Variants in KCNMA1 observed in about 807,000 individuals in gnomAD.
The protein encoded by KCNMA1 is potassium calcium-activated channel subfamily M alpha 1.
KCNMA1 carries 29 observed loss-of-function variants against 140.0 expected under a neutral mutation model. The observed-to-expected ratio is 0.21, with a 90% CI of 0.15 to 0.28. The LOEUF (loss-of-function observed/expected upper bound fraction) is 0.28. Among genes scored for constraint, KCNMA1 ranks in the 10% least tolerant of loss-of-function variants. The pLI is 1.00. For synonymous variants in KCNMA1, 612 were observed against 611.9 expected, an observed-to-expected ratio of 1.00 and a Z score of 0.00; for missense variants, 880 against 1,602.2, an observed-to-expected ratio of 0.55 and a Z score of 7.70.
At chr10:77,045,963 A>G (rs1387283308) in intron 14 of KCNMA1, among the ~76,000 whole-genome samples, 1 of 152,214 alleles carries the variant, frequency 6.6e-6, no homozygotes, top group African/African-American at 2.4e-5. Flanking sequence ...AAATTCTTTT[A>G]ATCCAAATAT....
chr10:77,377,759 G>A (rs1321556849), intron 2 of KCNMA1, among the ~76,000 whole-genome samples: 1 of 152,154 alleles, frequency 6.6e-6, no homozygotes, highest in African/African-American at 2.4e-5. Context: ...AGAGGCTATG[G>A]AGGCAGACCA....
rs552366350 is a variant in KCNMA1, at chr10:77,516,237, G to T, written c.379-112214C>A. ...CAGCCACCCTCCTCCCATCCTTCCT[G>T]GGTCTTGGCCACACTTGCTCTTCCT... On this transcript the variant is annotated intron_variant, in intron 1 of 27. Transcript: ENST00000286628. Among the ~76,000 whole-genome samples, 4 of 148,856 alleles carry T rather than the reference G, an allele frequency of 2.7e-5. No homozygotes were observed. The East Asian group carries it at 7.9e-4, about 30-fold the overall frequency.
chr10:77,465,076 A>G (rs2154526117), intron 1 of KCNMA1, among the ~76,000 whole-genome samples: 1 of 152,198 alleles, frequency 6.6e-6, no homozygotes, highest in South Asian at 2.1e-4. Context: ...ACACACACAC[A>G]CTCGGTAACT....
intron 19 of KCNMA1, among the ~76,000 whole-genome samples, chr10:76,992,385 A>G (rs1425318559): frequency 1.3e-5 from 2 of 152,342 alleles, no homozygotes; most frequent in South Asian, 4.1e-4. Flanking sequence ...TGAGATTTCA[A>G]ATGCAAGGGT....
intron 1 of KCNMA1, among the ~76,000 whole-genome samples, chr10:77,519,591 C>T (rs2052065982): frequency 6.6e-6 from 1 of 152,150 alleles, no homozygotes; most frequent in African/African-American, 2.4e-5. Context: ...AATATCACGG[C>T]CAAGGTCACT....
Position 77,199,739 on chromosome 10 carries a change from G to A in KCNMA1, c.603-14823C>T, listed in dbSNP as rs1008859594. 2.6e-5 allele frequency among the ~76,000 whole-genome samples: 4 copies of A among 152,124 alleles called. No homozygotes were observed. In the South Asian group the frequency reaches 8.3e-4, roughly 31 times the overall value. On this transcript the variant is annotated intron_variant, in intron 3 of 27. Transcript: ENST00000286628. ...AGGCAGGGGAAGGGATGGAAGCAGA[G>A]GGCTAAGCTTGGGCAGAGAGACAGA...
intron 2 of KCNMA1, among the ~76,000 whole-genome samples, chr10:77,324,545 A>AT (rs1336859513): frequency 6.7e-6 from 1 of 149,814 alleles, no homozygotes; most frequent in African/African-American, 2.4e-5. Flanking sequence ...TATAGAGAAT[A>AT]TTTTTTTAAA....
At chr10:77,519,863 T>C (rs1460902235) in intron 1 of KCNMA1, among the ~76,000 whole-genome samples, 2 of 150,676 alleles carry the variant, frequency 1.3e-5, no homozygotes, top group Non-Finnish European at 3.0e-5. Flanking sequence ...GAGTATGCAG[T>C]GTGAGGGTAT....
intron 14 of KCNMA1, among the ~76,000 whole-genome samples, chr10:77,062,276 C>T (rs747818013): frequency 1.3e-5 from 2 of 152,186 alleles, no homozygotes; most frequent in African/African-American, 4.8e-5. Context: ...CACCTCCACT[C>T]GAATTGCTTG....
intron 12 of KCNMA1, among the ~76,000 whole-genome samples, chr10:77,083,829 T>C (rs947126221): frequency 2.4e-5 from 3 of 127,314 alleles, no homozygotes; most frequent in African/African-American, 9.1e-5. Context: ...TGCGAGACTC[T>C]GTCTCTATGA....
intron 23 of KCNMA1, among the ~76,000 whole-genome samples, chr10:76,922,528 C>T (rs1248534926): frequency 6.6e-6 from 1 of 152,116 alleles, no homozygotes; most frequent in Non-Finnish European, 1.5e-5. Flanking sequence ...TGAGTCTGTC[C>T]TCCTCAATCT....
chr10:77,561,416 G>A (rs1282680991), intron 1 of KCNMA1, among the ~76,000 whole-genome samples: 2 of 152,146 alleles, frequency 1.3e-5, no homozygotes, highest in Non-Finnish European at 2.9e-5. Context: ...TGCGGATTAT[G>A]AATTGAGGTA....
At chr10:77,223,486 G>A (rs540389370) in intron 3 of KCNMA1, among the ~76,000 whole-genome samples, 54 of 152,274 alleles carry the variant, frequency 3.5e-4, no homozygotes, top group African/African-American at 1.3e-3. Context: ...TAATCAGAGT[G>A]TATCTAGAAT....
At chr10:76,892,795 A>G (rs1372717401) in intron 25 of KCNMA1, among the ~76,000 whole-genome samples, 2 of 152,232 alleles carry the variant, frequency 1.3e-5, no homozygotes, top group Admixed American at 1.3e-4. Context: ...CTGTAAAATA[A>G]CAGTGGTCAT....
intron 19 of KCNMA1, among the ~76,000 whole-genome samples, chr10:77,000,854 G>GAAAAAAAAA (rs147198441): frequency 9.5e-5 from 1 of 10,516 alleles, no homozygotes; most frequent in Non-Finnish European, 2.0e-4. Context: ...ATAGTAAAAA[G>GAAAAAAAAA]AAAATATATA....
intron 1 of KCNMA1, among the ~76,000 whole-genome samples, chr10:77,488,526 G>A (rs1234437361): frequency 1.3e-5 from 2 of 152,180 alleles, no homozygotes; most frequent in Non-Finnish European, 2.9e-5. Flanking sequence ...ATCCCCTTCT[G>A]ATCTGTTGAT....
At chr10:77,094,049 A>C (rs1038538770) in intron 9 of KCNMA1, among the ~76,000 whole-genome samples, 4 of 152,222 alleles carry the variant, frequency 2.6e-5, no homozygotes, top group Non-Finnish European at 5.9e-5. Flanking sequence ...CCTGATATCT[A>C]AGGAGATGAT....
intron 10 of KCNMA1, 26 bp from the exon 11 acceptor site, chr10:77,086,619 A>G (rs200049269): frequency 3.3e-6 from 5 of 1,527,588 alleles, no homozygotes; most frequent in Non-Finnish European, 4.5e-6. Context: ...AGAAATCGCT[A>G]TTAATTTAAT....
At chr10:76,898,323 T>C (rs2043511713) in intron 25 of KCNMA1, among the ~76,000 whole-genome samples, 1 of 151,880 alleles carries the variant, frequency 6.6e-6, no homozygotes, top group African/African-American at 2.4e-5. Flanking sequence ...ACAAATATTA[T>C]AACTGAAATA....
Sources: allele counts gnomAD v4.1 joint callset (sites outside exome capture counted in the v4.1 genomes callset), GRCh38; gene constraint gnomAD v4.1.1; transcripts MANE v1.5; gene names NCBI Gene and HGNC (gene_info 2026-07-23, HGNC 2026-07-21).